Variants in DSP observed in about 807,000 individuals in gnomAD.
DSP encodes desmoplakin.
DSP carries 114 observed loss-of-function variants against 290.6 expected under a neutral mutation model. The ratio of observed to expected loss-of-function variants is 0.39; its 90% CI spans 0.34 to 0.46. The LOEUF (loss-of-function observed/expected upper bound fraction) is 0.46, where lower values mean the gene tolerates loss of function less well. DSP is among the 20% of genes least tolerant of loss of function. The probability of loss-of-function intolerance (pLI) is 0.99; values close to 1 mark genes in which losing one functional copy is unlikely to be tolerated. For synonymous variants in DSP, 1,311 were observed against 1,316.4 expected (o/e 1.00, Z 0.09); for missense variants, 3,230 against 3,495.8 (o/e 0.92, Z 1.92).
In DSP at chr6:7,558,149, C is replaced by T. The variant is rs375028675; in HGVS notation, c.307C>T (p.Arg103Trp). The change falls in exon 3 of 24, where the codon CGG becomes TGG. Residue 103 changes from arginine (R) to tryptophan (W), a missense_variant. By Grantham distance (101) the Arg-to-Trp change is moderately radical. Coordinates refer to ENST00000379802, the MANE Select transcript of DSP (RefSeq NM_004415.4). ...LKYGDGIQLT[R>W]SRELDECFAQ... is the part of the protein sequence containing the mutation. Reference sequence around the variant, plus strand: ...GTATGGAGATGGAATACAACTGACTCGGAGTCGAGAATTGGATGAGTGTTT... The same window carrying T: ...GTATGGAGATGGAATACAACTGACTTGGAGTCGAGAATTGGATGAGTGTTT... 18 of 1,614,198 alleles carry T rather than the reference C, an allele frequency of 1.1e-5. No homozygotes were observed. The highest frequency in any genetic ancestry group is 2.2e-5 in the East Asian group (1 of 44,890).
rs1307900255 is a variant in DSP at position 7,565,228 on chromosome 6, A to C, written c.778-131A>C. The C allele has an allele frequency of 7.4e-6, 9 of 1,217,268 alleles. No individual in the cohort carries two copies. The highest frequency in any genetic ancestry group is 1.1e-5 in the Non-Finnish European group (9 of 851,816). The allele number at this position is 1,217,268 out of a possible 1,614,324, so 75.4% of individuals were successfully genotyped here. A position where few individuals can be genotyped will look rare whatever the true frequency, so the allele number is the denominator to read the frequency against. On this transcript the variant is annotated intron_variant, in intron 6 of 23. Coordinates refer to ENST00000379802, the MANE Select transcript of DSP (RefSeq NM_004415.4). The surrounding 1 kb of genome is among the most constrained non-coding windows in gnomAD (Gnocchi z 4.2). ...CCCATACCAGGTGGTCAGTGAATGC[A>C]CAAGGTTAACATTTTTCCTATCCGT... is the stretch of plus-strand genomic sequence containing the variant.
intron 1 of DSP, among the ~76,000 whole-genome samples, chr6:7,549,117 C>A (rs1490663624): frequency 6.6e-6 from 1 of 151,902 alleles, no homozygotes; most frequent in African/African-American, 2.4e-5. Context: ...GCTAACACAG[C>A]ATTTCAGCTG....
At chr6:7,573,945 G>C (rs1053150439) in intron 15 of DSP, 141 bp from the exon 16 acceptor site, 1 of 918,674 alleles carries the variant, frequency 1.1e-6, no homozygotes, top group Non-Finnish European at 1.7e-6. Flanking sequence ...CATGGAAGTT[G>C]ACTGATGTGT....
rs1272181488 is a variant in DSP at position 7,580,605 on chromosome 6, C to T, written c.4415C>T (p.Ala1472Val). Residue 1472 changes from alanine to valine, a missense_variant, in exon 23 of 24, where the codon GCT (alanine) becomes GTT (valine). Coordinates refer to ENST00000379802, the MANE Select transcript of DSP (RefSeq NM_004415.4). The surrounding 1 kb of genome is among the most constrained non-coding windows in gnomAD (Gnocchi z 4.2). ...AGATATAAGCAATCTCTTGATGATG[C>T]TGCCAAAACCATCCAGGATAAAAAC... ...SVRYKQSLDD[A>V]AKTIQDKNKE... is the part of the protein sequence containing the mutation. 3 of 1,614,008 alleles carry T rather than the reference C, an allele frequency of 1.9e-6. No individual in the cohort carries two copies. Among genetic ancestry groups the T allele is most frequent in the African/African-American group, 2.7e-5 (2 of 74,894 alleles).
intron 12 of DSP, among the ~76,000 whole-genome samples, chr6:7,569,616 C>T (rs1160845940): frequency 6.6e-6 from 1 of 152,156 alleles, no homozygotes. Flanking sequence ...GGGCGGATCA[C>T]CTGAGGTTAG....
Position 7,579,936 on chromosome 6 carries a change from T to C in DSP, c.3746T>C (p.Leu1249Pro). ...LDRLSRENRD[L>P]KDEIVRLNDS... ...AGACTTTCAAGGGAAAATCGAGATC[T>C]GAAGGATGAAATTGTCAGGCTCAAT... The change falls in exon 23 of 24, where the codon CTG becomes CCG. Residue 1249 changes from leucine (L) to proline (P), a missense_variant. This residue lies in a region of DSP where 1,714 missense variants were observed against 1,844.5 expected (regional missense o/e 0.93). Coordinates refer to ENST00000379802, the MANE Select transcript of DSP (RefSeq NM_004415.4). This position sits in a 1 kb window ranked among gnomAD's most constrained non-coding sequence, Gnocchi z 4.1. The C allele has an allele frequency of 6.2e-7, 1 of 1,614,096 alleles. No homozygotes were observed. The highest frequency in any genetic ancestry group is 8.5e-7 in the Non-Finnish European group (1 of 1,180,028).
At chr6:7,578,354 G>A (rs1348521319) in intron 21 of DSP, 110 bp from the exon 22 acceptor site, 4 of 941,676 alleles carry the variant, frequency 4.2e-6, no homozygotes, top group East Asian at 2.6e-5. Flanking sequence ...CTAAAGAAGA[G>A]AATTCACTCT....
intron 1 of DSP, among the ~76,000 whole-genome samples, chr6:7,554,686 C>T (rs767718780): frequency 2.0e-5 from 3 of 152,102 alleles, no homozygotes; most frequent in Non-Finnish European, 4.4e-5. Context: ...ACTCTGTCAC[C>T]GAGGCAAGAG....
Position 7,585,842 on chromosome 6 carries a change from T to C in DSP, c.8580T>C (p.Tyr2860=), listed in dbSNP as rs201441128. The change falls in exon 24 of 24, where the codon TAT becomes TAC. Residue 2860 remains tyrosine, a synonymous_variant. Transcript: ENST00000379802. ...CCACAGGGAATTCTTCCTACTCTTA[T>C]TCCTACTCATTTAGCAGTAGTTCTA... The part of the protein sequence containing the change: ...FDATGNSSYS[Y]SYSFSSSSIG... 5.6e-6 allele frequency: 9 copies of C among 1,614,090 alleles called. No individual in the cohort carries two copies. The African/African-American group carries it at 6.7e-5, about 12-fold the overall frequency.
chr6:7,570,786 G>A (rs1405536819), intron 13 of DSP, among the ~76,000 whole-genome samples: 10 of 152,192 alleles, frequency 6.6e-5, no homozygotes, highest in Admixed American at 6.5e-4. Context: ...AATTCAGGTG[G>A]CCTGACAAGC....
chr6:7,563,692 T>C, intron 5 of DSP, 44 bp from the exon 6 acceptor site: 1 of 1,543,738 alleles, frequency 6.5e-7, no homozygotes, highest in Non-Finnish European at 9.0e-7. Flanking sequence ...TTCTATACAA[T>C]CCACAAGGGG....
At chr6:7,547,581 A>G (rs1454767928) in intron 1 of DSP, among the ~76,000 whole-genome samples, 1 of 150,494 alleles carries the variant, frequency 6.6e-6, no homozygotes, top group Non-Finnish European at 1.5e-5. Context: ...GGCGTGCGCC[A>G]CCATACACAA....
At chr6:7,550,392 CAT>C (rs766508003) in intron 1 of DSP, among the ~76,000 whole-genome samples, 1 of 152,152 alleles carries the variant, frequency 6.6e-6, no homozygotes, top group Non-Finnish European at 1.5e-5. Context: ...TTTGGCAACA[CAT>C]GTAAAGCTAA....
chr6:7,572,183 A>T (rs1313037245), intron 15 of DSP, 115 bp downstream of exon 15: 1 of 964,490 alleles, frequency 1.0e-6, no homozygotes, highest in Non-Finnish European at 1.6e-6. Context: ...CTTTCAAGAA[A>T]ACAGGCTTCT....
rs2806227 is a variant in DSP, at chr6:7,579,130, A to G, written c.3085-145A>G. On this transcript the variant is annotated intron_variant, in intron 22 of 23. Transcript: ENST00000379802. The surrounding 1 kb of genome is among the most constrained non-coding windows in gnomAD (Gnocchi z 4.1). The stretch of plus-strand genomic sequence containing the variant: ...TGATGAGAATCCAGATTTCTTGAAT[A>G]TTTGCCTAGTCACTCTTTGCATGTA... The G allele has an allele frequency of 1.8e-6, 2 of 1,102,872 alleles. No individual in the cohort carries two copies. Among genetic ancestry groups the G allele is most frequent in the South Asian group, 1.5e-5 (1 of 66,728 alleles). 68.3% of individuals were successfully genotyped at this position (1,102,872 alleles called of 1,614,324 possible). A position where few individuals can be genotyped will look rare whatever the true frequency, so the allele number is the denominator to read the frequency against.
intron 18 of DSP, 85 bp from the exon 19 acceptor site, chr6:7,576,209 T>C (rs1581811426): frequency 6.9e-7 from 1 of 1,452,290 alleles, no homozygotes; most frequent in East Asian, 2.3e-5. Context: ...CTTGGGTATA[T>C]ATCAAGTGAA....
Position 7,569,476 on chromosome 6 carries a change from G to A in DSP, c.1574+136G>A, listed in dbSNP as rs945719133. The A allele has an allele frequency of 1.1e-5, 14 of 1,300,230 alleles. No individual in the cohort carries two copies. In the Admixed American group the frequency reaches 1.3e-4, roughly 12 times the overall value. The allele number at this position is 1,300,230 out of a possible 1,614,324, so 80.5% of individuals were successfully genotyped here. On this transcript the variant is annotated intron_variant, in intron 12 of 23. Transcript: ENST00000379802. The stretch of plus-strand genomic sequence containing the variant: ...AACACCTTCTAAAAAAAGGAACCTT[G>A]TGAAGGTCACCTTCACTTTGTCTTG...
chr6:7,565,321 A>G lies in DSP; in HGVS notation c.778-38A>G. The G allele has an allele frequency of 6.2e-7, 1 of 1,612,384 alleles. No homozygotes were observed. The highest frequency in any genetic ancestry group is 8.5e-7 in the Non-Finnish European group (1 of 1,179,314). On this transcript the variant is annotated intron_variant, in intron 6 of 23. Coordinates refer to ENST00000379802, the MANE Select transcript of DSP (RefSeq NM_004415.4). The surrounding 1 kb of genome is among the most constrained non-coding windows in gnomAD (Gnocchi z 4.2). The stretch of plus-strand genomic sequence containing the variant: ...CTGCAGAGAACACCAGTCACTGCAT[A>G]TTGTTATTTTAATGCTGCCTTTGAA...
chr6:7,559,933 G>C (rs1198958976), intron 4 of DSP, among the ~76,000 whole-genome samples: 1 of 152,216 alleles, frequency 6.6e-6, no homozygotes, highest in African/African-American at 2.4e-5. Flanking sequence ...GTCTCATTGT[G>C]CAACCATCAC....
Sources: gnomAD v4.1 joint callset for allele counts (sites outside exome capture counted in the v4.1 genomes callset) on GRCh38, gnomAD v4.1.1 for gene constraint, gnomAD v4.1.1 regional missense constraint, Gnocchi (gnomAD v3.1) non-coding constraint, MANE v1.5 for transcripts, NCBI Gene and HGNC (gene_info 2026-07-23, HGNC 2026-07-21) for gene names.